UNC5D: variants seen among roughly 807,000 people sequenced by gnomAD.
UNC5D encodes the protein netrin receptor UNC5D.
Under a neutral mutation model 105.4 loss-of-function variants are expected in UNC5D, and 39 were observed. The observed-to-expected ratio is 0.37, with a 90% CI of 0.29 to 0.48. UNC5D has a LOEUF of 0.48. UNC5D is among the 20% of genes least tolerant of loss of function. The pLI is 0.98. For synonymous variants in UNC5D, 452 were observed against 450.4 expected, an observed-to-expected ratio of 1.00 and a Z score of -0.04; for missense variants, 991 against 1,202.4, an observed-to-expected ratio of 0.82 and a Z score of 2.60.
intron 1 of UNC5D, among the ~76,000 whole-genome samples, chr8:35,537,041 T>C (rs746847903): frequency 5.6e-4 from 86 of 152,278 alleles, no homozygotes; most frequent in Admixed American, 1.8e-3. Flanking sequence ...GTGTTATTGG[T>C]ATCATTTAAG....
chr8:35,404,931 G>A (rs1014490960), intron 1 of UNC5D, among the ~76,000 whole-genome samples: 2 of 152,118 alleles, frequency 1.3e-5, no homozygotes, highest in African/African-American at 4.8e-5. Context: ...AGAAGCATTG[G>A]TCTGTACTAA....
At chr8:35,248,798 A>G (rs1253211896) in intron 1 of UNC5D, among the ~76,000 whole-genome samples, 2 of 98,614 alleles carry the variant, frequency 2.0e-5, no homozygotes, top group Non-Finnish European at 3.5e-5. Context: ...ATAATATATA[A>G]AAATATAATA....
At chr8:35,359,303 A>G (rs764714202) in intron 1 of UNC5D, among the ~76,000 whole-genome samples, 1 of 152,190 alleles carries the variant, frequency 6.6e-6, no homozygotes, top group Non-Finnish European at 1.5e-5. Flanking sequence ...TTCTTCCTCA[A>G]ACATGGACTG....
intron 1 of UNC5D, among the ~76,000 whole-genome samples, chr8:35,499,684 G>T (rs1366797247): frequency 6.6e-6 from 1 of 152,120 alleles, no homozygotes; most frequent in Non-Finnish European, 1.5e-5. Context: ...GAGGAATAGG[G>T]CCCAGGACAA....
chr8:35,438,376 G>GT lies in UNC5D; in HGVS notation c.104-110915dup, dbSNP rs113180070. On this transcript the variant is annotated intron_variant, in intron 1 of 16. Coordinates refer to ENST00000404895, the MANE Select transcript of UNC5D (RefSeq NM_080872.4). ...GTGACGTTTGTAGAGTGTCTTCATG[G>GT]TGCCTCAGTGGTGCACAGGATTAGG... is the stretch of plus-strand genomic sequence containing the variant. Among the ~76,000 whole-genome samples, 14 of 152,084 alleles carry GT rather than the reference G, an allele frequency of 9.2e-5. 1 individual carries two copies. Among genetic ancestry groups the GT allele is most frequent in the African/African-American group, 3.4e-4 (14 of 41,526 alleles).
chr8:35,262,374 T>TA (rs1173697486), intron 1 of UNC5D, among the ~76,000 whole-genome samples: 1 of 152,198 alleles, frequency 6.6e-6, no homozygotes, highest in African/African-American at 2.4e-5. Context: ...ATTGTGTGAA[T>TA]ATTTGCCCAA....
At position 35,796,040 on chromosome 8, in the gene UNC5D, G is replaced by A. The variant is rs1803239644; in HGVS notation, c.*5477G>A. The A allele has an allele frequency of 6.6e-6, 1 of 151,964 alleles. No homozygotes were observed. The highest frequency in any genetic ancestry group is 2.4e-5 in the African/African-American group (1 of 41,372). The allele number at this position is 151,964 out of a possible 1,614,324, so 9.4% of individuals were successfully genotyped here. On this transcript the variant is annotated 3_prime_UTR_variant, in exon 17 of 17. Transcript: ENST00000404895. ...TGTTTATTTTGGGAAGGTGCGTGGG[G>A]GTGTTCTTTCAAGTGATTCACATCT...
chr8:35,513,686 A>G (rs1415145852), intron 1 of UNC5D, among the ~76,000 whole-genome samples: 1 of 152,160 alleles, frequency 6.6e-6, no homozygotes, highest in African/African-American at 2.4e-5. Context: ...CAAGAATGTG[A>G]GCTACTTGAG....
chr8:35,281,759 C>G (rs1268706918), intron 1 of UNC5D, among the ~76,000 whole-genome samples: 2 of 152,186 alleles, frequency 1.3e-5, no homozygotes, highest in African/African-American at 4.8e-5. Context: ...ATCTTCATTA[C>G]GATGGGAAAT....
intron 1 of UNC5D, among the ~76,000 whole-genome samples, chr8:35,403,700 T>A (rs775486992): frequency 6.6e-6 from 1 of 152,184 alleles, no homozygotes; most frequent in African/African-American, 2.4e-5. Flanking sequence ...GGTTTTTCGA[T>A]TAGGGATGCT....
At chr8:35,458,766 T>G (rs1268404618) in intron 1 of UNC5D, among the ~76,000 whole-genome samples, 1 of 152,164 alleles carries the variant, frequency 6.6e-6, no homozygotes, top group Non-Finnish European at 1.5e-5. Flanking sequence ...TTACTGGGTT[T>G]TCCTGTTGTT....
chr8:35,708,474 C>T (rs1231706195), intron 8 of UNC5D, among the ~76,000 whole-genome samples: 2 of 152,106 alleles, frequency 1.3e-5, no homozygotes, highest in African/African-American at 4.8e-5. Flanking sequence ...ACTTCATTAC[C>T]ATCAAATGTG....
At chr8:35,508,413 T>A (rs1812472354) in intron 1 of UNC5D, among the ~76,000 whole-genome samples, 1 of 152,236 alleles carries the variant, frequency 6.6e-6, no homozygotes, top group African/African-American at 2.4e-5. Flanking sequence ...TTATGAGAGA[T>A]CACTGGGAGT....
chr8:35,307,597 G>A (rs1808520414), intron 1 of UNC5D, among the ~76,000 whole-genome samples: 1 of 152,150 alleles, frequency 6.6e-6, no homozygotes, highest in African/African-American at 2.4e-5. Context: ...GGAAGCCTGA[G>A]TTAGTGGAAA....
At chr8:35,277,587 T>C (rs1805860157) in intron 1 of UNC5D, among the ~76,000 whole-genome samples, 1 of 152,164 alleles carries the variant, frequency 6.6e-6, no homozygotes, top group Non-Finnish European at 1.5e-5. Flanking sequence ...ACTGATTTGA[T>C]TTTTTTCCAG....
chr8:35,641,239 A>T (rs1822691728), intron 4 of UNC5D, among the ~76,000 whole-genome samples: 1 of 151,978 alleles, frequency 6.6e-6, no homozygotes, highest in Non-Finnish European at 1.5e-5. Flanking sequence ...ATACGAAGGC[A>T]AAGTCTACTA....
intron 4 of UNC5D, among the ~76,000 whole-genome samples, chr8:35,652,863 A>G (rs1033270257): frequency 9.1e-5 from 13 of 143,154 alleles, no homozygotes; most frequent in African/African-American, 3.2e-4. Context: ...TTCTTCTCCA[A>G]CTTTTAAGAT....
intron 4 of UNC5D, among the ~76,000 whole-genome samples, chr8:35,648,962 T>C (rs1045387093): frequency 1.3e-5 from 2 of 152,078 alleles, no homozygotes; most frequent in Non-Finnish European, 2.9e-5. Context: ...TACAAGCACC[T>C]ATATAGGGTC....
chr8:35,744,626 G>A (rs941031031), intron 11 of UNC5D, among the ~76,000 whole-genome samples: 1 of 152,110 alleles, frequency 6.6e-6, no homozygotes, highest in Admixed American at 6.6e-5. Context: ...ATGCTCAAAA[G>A]ATTCCAGATT....
Sources: allele counts gnomAD v4.1 joint callset (sites outside exome capture counted in the v4.1 genomes callset), GRCh38; gene constraint gnomAD v4.1.1; transcripts MANE v1.5; gene names NCBI Gene and HGNC (gene_info 2026-07-23, HGNC 2026-07-21).